Variants in CSGALNACT1 observed in about 807,000 individuals in gnomAD.
CSGALNACT1 encodes the protein beta4GalNAcT-1.
CSGALNACT1 carries 52 observed loss-of-function variants against 51.0 expected under a neutral mutation model. That is an observed-to-expected ratio of 1.02 (90% CI 0.82 to 1.29). The LOEUF is 1.29. CSGALNACT1 is among the 50% of genes most tolerant of loss of function. The pLI, the probability that CSGALNACT1 is intolerant of heterozygous loss-of-function variation, is 0.00. For synonymous variants in CSGALNACT1, 341 were observed against 254.4 expected, an observed-to-expected ratio of 1.34 and a Z score of -3.24; for missense variants, 935 against 679.2, an observed-to-expected ratio of 1.38 and a Z score of -4.19.
intron 1 of CSGALNACT1, among the ~76,000 whole-genome samples, chr8:19,661,941 G>A (rs1385116812): frequency 2.0e-5 from 3 of 151,918 alleles, no homozygotes; most frequent in Non-Finnish European, 4.4e-5. Context: ...TCAAGATTTG[G>A]TGAAGCCTAT....
At chr8:19,604,563 C>T (rs2051081876), upstream of CSGALNACT1, among the ~76,000 whole-genome samples, 2 of 152,106 alleles carry the variant, frequency 1.3e-5, no homozygotes, top group East Asian at 3.9e-4. Flanking sequence ...GTTGACTTTG[C>T]AACACACCTT....
At chr8:19,651,306 G>A (rs1375546109) in intron 1 of CSGALNACT1, among the ~76,000 whole-genome samples, 3 of 151,940 alleles carry the variant, frequency 2.0e-5, no homozygotes, top group African/African-American at 2.4e-5. Context: ...ACATGTACAT[G>A]TCTCTTACAT....
At chr8:19,528,027 G>A (rs2082037896) in intron 3 of CSGALNACT1, among the ~76,000 whole-genome samples, 1 of 152,138 alleles carries the variant, frequency 6.6e-6, no homozygotes, top group South Asian at 2.1e-4. Flanking sequence ...CAGCCAGGAA[G>A]AGGAAATAAG....
intron 4 of CSGALNACT1, among the ~76,000 whole-genome samples, chr8:19,493,715 T>G (rs11204049): frequency 0.79 from 119,665 of 152,152 alleles, 47,266 homozygotes; most frequent in East Asian, 0.85. Context: ...TGCATGCAAT[T>G]CCACATTCTG....
intron 3 of CSGALNACT1, chr8:19,532,132 GTTTC>G (rs1201125473): frequency 2.0e-5 from 3 of 151,324 alleles, no homozygotes; most frequent in East Asian, 1.9e-4. Flanking sequence ...CTTCGTCGCT[GTTTC>G]TTTCTGTCTC....
chr8:19,456,614 T>A (rs971060101), intron 5 of CSGALNACT1, among the ~76,000 whole-genome samples: 2 of 152,052 alleles, frequency 1.3e-5, no homozygotes, highest in Non-Finnish European at 2.9e-5. Context: ...GCAAAAACAC[T>A]AAAAGAAGGT....
At chr8:19,667,052 AAAG>A (rs2059419428) in intron 1 of CSGALNACT1, among the ~76,000 whole-genome samples, 2 of 102,340 alleles carry the variant, frequency 2.0e-5, no homozygotes, top group African/African-American at 3.6e-5. Context: ...AGAAAGAAAG[AAAG>A]AAAGAAAGAA....
chr8:19,651,211 T>G (rs766114382), intron 1 of CSGALNACT1, among the ~76,000 whole-genome samples: 1 of 152,222 alleles, frequency 6.6e-6, no homozygotes, highest in Non-Finnish European at 1.5e-5. Context: ...TGCCACTGCA[T>G]GGCAAAATGA....
intron 3 of CSGALNACT1, among the ~76,000 whole-genome samples, chr8:19,573,972 T>C (rs1186332831): frequency 1.3e-5 from 2 of 152,312 alleles, no homozygotes; most frequent in South Asian, 4.1e-4. Context: ...TCAGGCTTGA[T>C]TGCAGTGATG....
chr8:19,522,952 C>T (rs532043928), intron 3 of CSGALNACT1, among the ~76,000 whole-genome samples: 1 of 152,170 alleles, frequency 6.6e-6, no homozygotes, highest in Admixed American at 6.5e-5. Context: ...ACTATCCTGA[C>T]ATATAACAAG....
chr8:19,698,970 G>C (rs1223719315), intron 1 of CSGALNACT1, among the ~76,000 whole-genome samples: 1 of 152,094 alleles, frequency 6.6e-6, no homozygotes, highest in Non-Finnish European at 1.5e-5. Flanking sequence ...AACATCTCTA[G>C]ATTACTCATA....
chr8:19,662,346 A>G (rs145235160), intron 1 of CSGALNACT1, among the ~76,000 whole-genome samples: 1,970 of 152,146 alleles, frequency 0.013, 40 homozygotes, highest in African/African-American at 0.045. Flanking sequence ...ACACCACTGC[A>G]CTCCAGTCTG....
At chr8:19,677,966 A>G (rs2060316344) in intron 1 of CSGALNACT1, among the ~76,000 whole-genome samples, 1 of 151,240 alleles carries the variant, frequency 6.6e-6, no homozygotes, top group Non-Finnish European at 1.5e-5. Context: ...AAAACAAAAA[A>G]TTAGCTGGAT....
chr8:19,465,120 A>C (rs2066377861), intron 4 of CSGALNACT1, among the ~76,000 whole-genome samples: 1 of 152,260 alleles, frequency 6.6e-6, no homozygotes, highest in African/African-American at 2.4e-5. Context: ...ATAAATGGAT[A>C]AACAAAATGT....
At chr8:19,693,950 AT>A (rs59904956) in intron 1 of CSGALNACT1, among the ~76,000 whole-genome samples, 1 of 151,496 alleles carries the variant, frequency 6.6e-6, no homozygotes, top group South Asian at 2.1e-4. Flanking sequence ...CATTAAGTGA[AT>A]TTTTTTTTCT....
intron 5 of CSGALNACT1, chr8:19,457,929 G>T: frequency 4.6e-6 from 3 of 653,700 alleles, no homozygotes; most frequent in South Asian, 1.5e-5. Flanking sequence ...TACAATAAAA[G>T]ATAGATTTGG....
At chr8:19,661,617 T>C (rs983815745) in intron 1 of CSGALNACT1, among the ~76,000 whole-genome samples, 3 of 152,174 alleles carry the variant, frequency 2.0e-5, no homozygotes, top group African/African-American at 4.8e-5. Flanking sequence ...GCATGGGACA[T>C]AGGATAGCCA....
intron 1 of CSGALNACT1, among the ~76,000 whole-genome samples, chr8:19,721,669 G>A (rs2063136772): frequency 6.6e-6 from 1 of 152,114 alleles, no homozygotes; most frequent in Admixed American, 6.5e-5. Context: ...TGTCTGTCAT[G>A]GAAAATGTTA....
intron 2 of CSGALNACT1, among the ~76,000 whole-genome samples, chr8:19,599,520 G>GAAAGAAAGAAAGAAAGA (rs1554751495): frequency 6.0e-4 from 76 of 127,222 alleles, no homozygotes; most frequent in African/African-American, 2.2e-3. Flanking sequence ...AAGAAAGAAA[G>GAAAGAAAGAAAGAAAGA]AAAGAAAAGA....
Sources: allele counts gnomAD v4.1 joint callset (sites outside exome capture counted in the v4.1 genomes callset), GRCh38; gene constraint gnomAD v4.1.1; transcripts MANE v1.5; gene names NCBI Gene and HGNC (gene_info 2026-07-23, HGNC 2026-07-21).